KATNIP: variants seen among roughly 807,000 people sequenced by gnomAD.
KATNIP encodes the protein katanin interacting protein.
Under a neutral mutation model 174.0 loss-of-function variants are expected in KATNIP, and 126 were observed. The ratio of observed to expected loss-of-function variants is 0.72; its 90% CI spans 0.63 to 0.84. The LOEUF is 0.84. Ranked by LOEUF, KATNIP falls within the 40% of genes least tolerant of loss-of-function variation. KATNIP has a pLI of 0.00. For missense variants in KATNIP, 1,958 were observed against 2,109.7 expected (o/e 0.93, Z 1.41); for synonymous variants, 810 against 835.7 (o/e 0.97, Z 0.53).
At chr16:27,584,395 A>G (rs1394575397) in intron 2 of KATNIP, among the ~76,000 whole-genome samples, 1 of 152,166 alleles carries the variant, frequency 6.6e-6, no homozygotes, top group Non-Finnish European at 1.5e-5. Flanking sequence ...CAAAAGGAAA[A>G]TCAGGATACT....
intron 2 of KATNIP, among the ~76,000 whole-genome samples, chr16:27,582,042 T>G (rs2090719196): frequency 6.6e-6 from 1 of 152,160 alleles, no homozygotes; most frequent in Non-Finnish European, 1.5e-5. Flanking sequence ...TTGCAGCACC[T>G]CGATTTCTGC....
At chr16:27,593,573 C>G (rs1352401345) in intron 2 of KATNIP, among the ~76,000 whole-genome samples, 1 of 152,032 alleles carries the variant, frequency 6.6e-6, no homozygotes, top group Non-Finnish European at 1.5e-5. Flanking sequence ...CCTCTGTTGC[C>G]TAGGCTGGAA....
intron 4 of KATNIP, among the ~76,000 whole-genome samples, chr16:27,630,752 G>A (rs935209721): frequency 6.6e-6 from 1 of 152,110 alleles, no homozygotes; most frequent in Non-Finnish European, 1.5e-5. Context: ...TGTACCTACT[G>A]TCCTGAACCT....
intron 9 of KATNIP, 62 bp from the exon 10 acceptor site, chr16:27,699,472 G>T: frequency 6.2e-7 from 1 of 1,604,064 alleles, no homozygotes; most frequent in Non-Finnish European, 8.5e-7. Flanking sequence ...TCATCTTTCT[G>T]TGAACAGCAT....
At chr16:27,756,125 G>A (rs146230193) in intron 18 of KATNIP, among the ~76,000 whole-genome samples, 1 of 152,088 alleles carries the variant, frequency 6.6e-6, no homozygotes, top group African/African-American at 2.4e-5. Flanking sequence ...GCCCTTCTGC[G>A]ACCGCATCTC....
chr16:27,657,302 G>C (rs897092643), intron 6 of KATNIP, among the ~76,000 whole-genome samples: 3 of 151,958 alleles, frequency 2.0e-5, no homozygotes, highest in Admixed American at 1.3e-4. Context: ...ATACGTGAAG[G>C]GTATTTGGGT....
intron 19 of KATNIP, among the ~76,000 whole-genome samples, chr16:27,762,733 C>G (rs764287497): frequency 1.1e-4 from 17 of 152,208 alleles, no homozygotes; most frequent in Non-Finnish European, 2.2e-4. Context: ...TGGCCTCACC[C>G]CCTGCTATCA....
chr16:27,698,551 G>A, intron 9 of KATNIP, 51 bp downstream of exon 9: 1 of 1,522,878 alleles, frequency 6.6e-7, no homozygotes, highest in Non-Finnish European at 8.8e-7. Flanking sequence ...GGACTGGGCA[G>A]TGTCTGAGCT....
intron 23 of KATNIP, 98 bp downstream of exon 23, chr16:27,773,307 C>T (rs1026394985): frequency 1.8e-5 from 14 of 774,694 alleles, no homozygotes; most frequent in Non-Finnish European, 2.9e-5. Context: ...GGGAAATGGC[C>T]CTCTAGGAAC....
At chr16:27,666,885 G>C (rs1254953717) in intron 6 of KATNIP, among the ~76,000 whole-genome samples, 1 of 152,054 alleles carries the variant, frequency 6.6e-6, no homozygotes, top group African/African-American at 2.4e-5. Flanking sequence ...TTGGGTTTTT[G>C]GCGCTCATTA....
chr16:27,766,511 T>C (rs998833849), intron 20 of KATNIP, 37 bp downstream of exon 20: 2 of 1,581,712 alleles, frequency 1.3e-6, no homozygotes. Context: ...CAGTCCAGCA[T>C]CAGGGAAGCA....
In KATNIP at chr16:27,699,522, A is replaced by C. The variant is rs759143761; in HGVS notation, c.1114-12A>C. 1 of 1,613,926 alleles carries C rather than the reference A, an allele frequency of 6.2e-7. No homozygotes were observed. Among genetic ancestry groups the C allele is most frequent in the South Asian group, 1.1e-5 (1 of 91,060 alleles). The stretch of plus-strand genomic sequence containing the variant: ...TGTTCCAACATCACATCATGTGATC[A>C]CATCCTTCCAGGATGCAGAAGGACC... On this transcript the variant is annotated splice_polypyrimidine_tract_variant and intron_variant, in intron 9 of 27. Transcript: ENST00000261588.
At chr16:27,588,878 C>CTTTTT (rs11346883) in intron 2 of KATNIP, among the ~76,000 whole-genome samples, 11 of 78,106 alleles carry the variant, frequency 1.4e-4, no homozygotes, top group African/African-American at 2.1e-4. Flanking sequence ...CAACTCTATT[C>CTTTTT]TTTTTTTTTT....
intron 8 of KATNIP, among the ~76,000 whole-genome samples, chr16:27,684,092 ATTAAGGGTCAGTAC>A (rs1190004625): frequency 6.6e-6 from 1 of 152,120 alleles, no homozygotes; most frequent in African/African-American, 2.4e-5. Context: ...AAGTAACAAA[ATTAAGGGTCAGTAC>A]TTACAAAGCA....
chr16:27,679,920 A>C (rs1255482489), intron 7 of KATNIP, among the ~76,000 whole-genome samples: 1 of 152,016 alleles, frequency 6.6e-6, no homozygotes, highest in Non-Finnish European at 1.5e-5. Flanking sequence ...AGATGACCAC[A>C]GTCCCTTTCC....
intron 2 of KATNIP, among the ~76,000 whole-genome samples, chr16:27,595,443 G>A (rs1028519318): frequency 6.6e-6 from 1 of 152,202 alleles, no homozygotes; most frequent in Non-Finnish European, 1.5e-5. Context: ...ATATACAGGA[G>A]TGTGGGGGAC....
At chr16:27,614,176 C>G (rs1250520950) in intron 2 of KATNIP, among the ~76,000 whole-genome samples, 1 of 151,114 alleles carries the variant, frequency 6.6e-6, no homozygotes, top group Non-Finnish European at 1.5e-5. Flanking sequence ...CCCCCGGGTT[C>G]AAGCGATTCT....
At chr16:27,661,063 T>A (rs2077460267) in intron 6 of KATNIP, among the ~76,000 whole-genome samples, 1 of 152,218 alleles carries the variant, frequency 6.6e-6, no homozygotes, top group African/African-American at 2.4e-5. Context: ...AGTCATCACA[T>A]CACTGAGTTA....
intron 2 of KATNIP, among the ~76,000 whole-genome samples, chr16:27,575,232 A>G (rs748009382): frequency 2.6e-5 from 4 of 152,228 alleles, no homozygotes; most frequent in Non-Finnish European, 5.9e-5. Context: ...TGTGCAGGCT[A>G]CTTCTTGAAG....
Sources: allele counts gnomAD v4.1 joint callset (sites outside exome capture counted in the v4.1 genomes callset), GRCh38; gene constraint gnomAD v4.1.1; transcripts MANE v1.5; gene names NCBI Gene and HGNC (gene_info 2026-07-23, HGNC 2026-07-21).